MLPH: variants seen among roughly 807,000 people sequenced by gnomAD.
MLPH encodes melanophilin, also known as exophilin-3.
In MLPH, 51 loss-of-function variants were observed where a neutral mutation model predicts 72.1. The observed-to-expected ratio is 0.71, with a 90% CI of 0.56 to 0.89. The LOEUF is 0.89. MLPH is among the 40% of genes least tolerant of loss of function. The pLI is 0.00. For missense variants in MLPH, 743 were observed against 759.9 expected, an observed-to-expected ratio of 0.98 and a Z score of 0.26; for synonymous variants, 301 against 310.1, an observed-to-expected ratio of 0.97 and a Z score of 0.31.
chr2:237,521,404 G>A (rs866161725), intron 6 of MLPH, among the ~76,000 whole-genome samples: 6 of 152,254 alleles, frequency 3.9e-5, no homozygotes, highest in Middle Eastern at 3.4e-3. Flanking sequence ...GTCTTGAATA[G>A]CCCTCCTATT....
intron 4 of MLPH, chr2:237,511,438 C>A: frequency 2.9e-6 from 1 of 350,368 alleles, no homozygotes; most frequent in South Asian, 2.4e-5. Flanking sequence ...ATGTGAGGTG[C>A]AAACCTCTGC....
At chr2:237,499,960 T>G (rs2079612706) in intron 2 of MLPH, among the ~76,000 whole-genome samples, 2 of 152,130 alleles carry the variant, frequency 1.3e-5, no homozygotes, top group Admixed American at 6.5e-5. Context: ...TGTCCAGGCT[T>G]GTCTTGAACT....
intron 9 of MLPH, among the ~76,000 whole-genome samples, chr2:237,539,187 A>G (rs550972997): frequency 1.3e-5 from 2 of 152,298 alleles, no homozygotes; most frequent in East Asian, 1.9e-4. Context: ...CTGAGGGCAC[A>G]GGGGTTGCTC....
intron 1 of MLPH, among the ~76,000 whole-genome samples, chr2:237,489,187 C>T (rs183084450): frequency 1.5e-4 from 23 of 152,382 alleles, no homozygotes; most frequent in Admixed American, 2.6e-4. Flanking sequence ...ACAGCCTCAC[C>T]TGGGACCCAT....
At chr2:237,525,941 G>T (rs1156351703) in intron 7 of MLPH, 136 bp downstream of exon 7, 24 of 884,294 alleles carry the variant, frequency 2.7e-5, no homozygotes, top group Non-Finnish European at 4.1e-5. Context: ...TGATTGTCCG[G>T]GACGTGCAGT....
intron 15 of MLPH, 39 bp from the exon 16 acceptor site, chr2:237,553,527 G>A: frequency 6.2e-7 from 1 of 1,602,172 alleles, no homozygotes; most frequent in Non-Finnish European, 8.5e-7. Context: ...GCCTGTGTAT[G>A]TGTGTGCTTA....
intron 13 of MLPH, among the ~76,000 whole-genome samples, chr2:237,548,631 G>A (rs2080967403): frequency 6.6e-6 from 1 of 152,198 alleles, no homozygotes; most frequent in Non-Finnish European, 1.5e-5. Flanking sequence ...CACTTTGGGA[G>A]GCCGAGGTGG....
At position 237,553,744 on chromosome 2, in the gene MLPH, A is replaced by C. The variant is rs747761582; in HGVS notation, c.*152A>C. Reference sequence around the variant, plus strand: ...ACCCTCCACATGGACTCCCACCTGCAAGTGGACAGCGACATTCAGTCCTGC... The same window carrying C: ...ACCCTCCACATGGACTCCCACCTGCCAGTGGACAGCGACATTCAGTCCTGC... On this transcript the variant is annotated 3_prime_UTR_variant, in exon 16 of 16. Transcript: ENST00000264605. The C allele has an allele frequency of 9.5e-7, 1 of 1,048,914 alleles. No homozygotes were observed. Among genetic ancestry groups the C allele is most frequent in the South Asian group, 1.3e-5 (1 of 79,080 alleles). 65.0% of individuals were successfully genotyped at this position (1,048,914 alleles called of 1,614,324 possible). A position where few individuals can be genotyped will look rare whatever the true frequency, so the allele number is the denominator to read the frequency against.
chr2:237,546,499 C>A, intron 12 of MLPH, 107 bp from the exon 13 acceptor site: 1 of 976,824 alleles, frequency 1.0e-6, no homozygotes, highest in East Asian at 2.5e-5. Context: ...ATCCCCAACC[C>A]AGCATGTATA....
intron 4 of MLPH, among the ~76,000 whole-genome samples, chr2:237,516,914 A>AGGATGGATGGATGGAT (rs1157566183): frequency 0.13 from 15,294 of 119,036 alleles, 1,097 homozygotes; most frequent in South Asian, 0.28. Flanking sequence ...GATGGATGGT[A>AGGATGGATGGATGGAT]GGATGGATGG....
intron 4 of MLPH, among the ~76,000 whole-genome samples, chr2:237,516,780 A>G (rs950916751): frequency 5.6e-5 from 8 of 142,772 alleles, no homozygotes; most frequent in South Asian, 2.3e-4. Flanking sequence ...GGGAGAGATG[A>G]ATGGATGGAT....
chr2:237,541,248 A>G lies in MLPH; in HGVS notation c.1446+291A>G, dbSNP rs991784739. ...GTGCTGAACACACAATCCCTGACCC[A>G]GGATGGGGGCCTAGAAGCAGGCCTG... On this transcript the variant is annotated intron_variant, in intron 11 of 15. Transcript: ENST00000264605. This position sits in a 1 kb window ranked among gnomAD's most constrained non-coding sequence, Gnocchi z 5.1. Among the ~76,000 whole-genome samples the G allele has an allele frequency of 6.6e-6, 1 of 152,164 alleles. No individual in the cohort carries two copies. The highest frequency in any genetic ancestry group is 1.5e-5 in the Non-Finnish European group (1 of 68,020).
intron 8 of MLPH, among the ~76,000 whole-genome samples, chr2:237,528,429 C>A (rs1227480377): frequency 6.6e-6 from 1 of 151,748 alleles, no homozygotes; most frequent in Non-Finnish European, 1.5e-5. Flanking sequence ...CGGCTCACTG[C>A]AACCTCCACC....
intron 13 of MLPH, among the ~76,000 whole-genome samples, chr2:237,547,147 T>A (rs955862318): frequency 9.2e-5 from 14 of 152,240 alleles, no homozygotes; most frequent in African/African-American, 3.4e-4. Flanking sequence ...TGCCCTTCCC[T>A]GAACAGGCAC....
chr2:237,502,866 C>T (rs191383524), intron 2 of MLPH, among the ~76,000 whole-genome samples: 1 of 152,176 alleles, frequency 6.6e-6, no homozygotes, highest in African/African-American at 2.4e-5. Flanking sequence ...TGCCTGTAAC[C>T]CTAGCACTTT....
At chr2:237,489,418 G>A (rs573775256) in intron 1 of MLPH, among the ~76,000 whole-genome samples, 8 of 152,310 alleles carry the variant, frequency 5.3e-5, no homozygotes, top group Admixed American at 1.3e-4. Context: ...TGGTTCACTT[G>A]TAGGGAAGGG....
intron 1 of MLPH, among the ~76,000 whole-genome samples, chr2:237,491,114 C>T (rs1434947889): frequency 6.6e-6 from 1 of 152,282 alleles, no homozygotes; most frequent in East Asian, 1.9e-4. Context: ...AATCGAAGTA[C>T]GTCTCCAGCA....
chr2:237,552,474 G>T (rs1424722818), intron 15 of MLPH, 37 bp downstream of exon 15: 1 of 1,539,996 alleles, frequency 6.5e-7, no homozygotes, highest in Admixed American at 1.7e-5. Flanking sequence ...AGTTTTTAAA[G>T]TTCAGTGACC....
intron 2 of MLPH, among the ~76,000 whole-genome samples, chr2:237,495,943 C>T (rs1395698460): frequency 6.6e-6 from 1 of 152,216 alleles, no homozygotes; most frequent in African/African-American, 2.4e-5. Flanking sequence ...ACTCTTGAGT[C>T]TCAGATCCCC....
Sources: gnomAD v4.1 joint callset for allele counts (sites outside exome capture counted in the v4.1 genomes callset) on GRCh38, gnomAD v4.1.1 for gene constraint, Gnocchi (gnomAD v3.1) non-coding constraint, MANE v1.5 for transcripts, NCBI Gene and HGNC (gene_info 2026-07-23, HGNC 2026-07-21) for gene names.